Variants in STK3 observed in about 807,000 individuals in gnomAD.
STK3 encodes the protein serine/threonine-protein kinase 3.
STK3 carries 41 observed loss-of-function variants against 58.0 expected under a neutral mutation model. The observed-to-expected ratio is 0.71, with a 90% CI of 0.55 to 0.92. The LOEUF (loss-of-function observed/expected upper bound fraction) is 0.92. Among genes scored for constraint, STK3 ranks in the 40% least tolerant of loss-of-function variants. STK3 has a pLI of 0.00. For synonymous variants in STK3, 170 were observed against 191.0 expected (o/e 0.89, Z 0.91); for missense variants, 479 against 602.7 (o/e 0.79, Z 2.15).
At chr8:98,648,473 G>T (rs1310388337) in intron 6 of STK3, among the ~76,000 whole-genome samples, 1 of 152,038 alleles carries the variant, frequency 6.6e-6, no homozygotes, top group African/African-American at 2.4e-5. Context: ...ATAAATTCTA[G>T]GGGTAAAACT....
At chr8:98,489,360 T>G (rs1052361557) in intron 10 of STK3, among the ~76,000 whole-genome samples, 1 of 152,224 alleles carries the variant, frequency 6.6e-6, no homozygotes, top group African/African-American at 2.4e-5. Context: ...TTATCATTAA[T>G]TGGTAAGAGC....
chr8:98,507,581 A>G (rs1277538723), intron 10 of STK3, among the ~76,000 whole-genome samples: 1 of 152,192 alleles, frequency 6.6e-6, no homozygotes, highest in Non-Finnish European at 1.5e-5. Flanking sequence ...CTATGGCTAC[A>G]TATTTCTTTT....
In STK3 at chr8:98,909,960, C is replaced by G. The variant is rs58285664; in HGVS notation, c.-78-26126G>C. 5.0e-3 allele frequency among the ~76,000 whole-genome samples: 763 copies of G among 152,302 alleles called. 7 individuals are homozygous for G. The highest frequency in any genetic ancestry group is 0.018 in the African/African-American group (736 of 41,558). On this transcript the variant is annotated intron_variant, in intron 1 of 1. Transcript: ENST00000519420. ...GCAGCTGTACCATTTTACATTCCCA[C>G]TAGCAGTGTATGAGAATTGTGATTT...
At chr8:98,476,729 C>T (rs1222019642) in intron 10 of STK3, among the ~76,000 whole-genome samples, 1 of 152,150 alleles carries the variant, frequency 6.6e-6, no homozygotes, top group African/African-American at 2.4e-5. Flanking sequence ...TAATTAATTT[C>T]ATTTCAAAAA....
chr8:98,939,963 G>T (rs780630966), intron 1 of STK3, among the ~76,000 whole-genome samples: 2 of 152,226 alleles, frequency 1.3e-5, no homozygotes, highest in Non-Finnish European at 2.9e-5. Flanking sequence ...ACACTGAAGC[G>T]CTTGGTTCGA....
At chr8:98,810,864 A>G (rs924673325) in intron 1 of STK3, among the ~76,000 whole-genome samples, 10 of 152,048 alleles carry the variant, frequency 6.6e-5, no homozygotes, top group African/African-American at 1.9e-4. Flanking sequence ...CACTCTATTA[A>G]TTCACAAGAA....
intron 3 of STK3, among the ~76,000 whole-genome samples, chr8:98,407,981 G>A (rs1419505692): frequency 6.6e-6 from 1 of 152,214 alleles, no homozygotes; most frequent in Non-Finnish European, 1.5e-5. Context: ...CAGTGAACCT[G>A]CAAGTTAGAG....
At chr8:98,790,412 C>T (rs1259234815) in intron 1 of STK3, among the ~76,000 whole-genome samples, 8 of 152,268 alleles carry the variant, frequency 5.3e-5, no homozygotes, top group African/African-American at 1.2e-4. Context: ...GAATCGAACA[C>T]GAAAATCACA....
intron 4 of STK3, among the ~76,000 whole-genome samples, chr8:98,729,350 T>C (rs1301705723): frequency 6.6e-6 from 1 of 152,156 alleles, no homozygotes; most frequent in Non-Finnish European, 1.5e-5. Flanking sequence ...GCCCAAGTGA[T>C]CTCCCCGCCT....
At chr8:98,445,658 ACTG>A (rs1487169492) in intron 1 of STK3, among the ~76,000 whole-genome samples, 1 of 152,188 alleles carries the variant, frequency 6.6e-6, no homozygotes, top group East Asian at 1.9e-4. Flanking sequence ...CAAGAAGAAA[ACTG>A]CTGACAAAAA....
At chr8:98,824,163 C>T (rs1232379612) in intron 1 of STK3, among the ~76,000 whole-genome samples, 1 of 152,186 alleles carries the variant, frequency 6.6e-6, no homozygotes, top group Non-Finnish European at 1.5e-5. Flanking sequence ...GCTTTTGCGG[C>T]ATTTTTGTTC....
At chr8:98,398,982 G>A (rs1358150841), downstream of STK3, among the ~76,000 whole-genome samples, 1 of 152,150 alleles carries the variant, frequency 6.6e-6, no homozygotes, top group East Asian at 1.9e-4. Context: ...TCCCTAGTGT[G>A]GACTCTCCAA....
At chr8:98,905,298 T>C (rs868266957) in intron 1 of STK3, 2 of 841,040 alleles carry the variant, frequency 2.4e-6, no homozygotes, top group Middle Eastern at 4.5e-4. Flanking sequence ...CACTGCGTCC[T>C]CTGACCACTC....
intron 8 of STK3, among the ~76,000 whole-genome samples, chr8:98,578,829 A>G (rs772155225): frequency 3.3e-5 from 5 of 152,172 alleles, no homozygotes; most frequent in African/African-American, 1.2e-4. Context: ...ACACAAAGGC[A>G]AAAAATAATT....
rs1165228727 is a variant in STK3, at chr8:98,706,606, A to G, written c.545T>C (p.Ile182Thr). 3 of 1,609,464 alleles carry G rather than the reference A, an allele frequency of 1.9e-6. No individual in the cohort carries two copies. Among genetic ancestry groups the G allele is most frequent in the Non-Finnish European group, 2.5e-6 (3 of 1,178,464 alleles). The change falls in exon 6 of 11, where the codon ATA (isoleucine) becomes ACA (threonine). Residue 182 changes from isoleucine (I) to threonine (T), a missense_variant. Physicochemically the swap from Ile to Thr is moderately conservative, Grantham distance 89. Around this residue, in one of 3 missense-constraint regions of STK3, gnomAD observed 126 missense variants for 210.1 expected, o/e 0.60. Transcript: ENST00000419617. ...TDTMAKRNTVIGTPFWMAPEV... is the reference protein window; with the variant it reads ...TDTMAKRNTVTGTPFWMAPEV... ...AGGAGCCATCCAAAATGGAGTTCCT[A>G]TTACAGTATTGCGTTTTGCCATTGT...
chr8:98,345,630 T>A, the STK3 span, among the ~76,000 whole-genome samples: 1 of 151,952 alleles, frequency 6.6e-6, no homozygotes, highest in Non-Finnish European at 1.5e-5. Flanking sequence ...GGAAATAGTG[T>A]CTGTTCTGAA....
intron 1 of STK3, among the ~76,000 whole-genome samples, chr8:98,884,035 C>T (rs548496519): frequency 6.6e-6 from 1 of 152,258 alleles, no homozygotes; most frequent in African/African-American, 2.4e-5. Context: ...AAGCTCCGGA[C>T]AGCCAATGTG....
intron 7 of STK3, among the ~76,000 whole-genome samples, chr8:98,583,225 A>C (rs1417672979): frequency 6.6e-6 from 1 of 152,210 alleles, no homozygotes; most frequent in African/African-American, 2.4e-5. Context: ...GAATACAATT[A>C]AGAAGTTTAC....
At chr8:98,760,988 G>A (rs1257417164) in intron 3 of STK3, among the ~76,000 whole-genome samples, 3 of 152,072 alleles carry the variant, frequency 2.0e-5, no homozygotes, top group Non-Finnish European at 2.9e-5. Context: ...TTACGTTTAA[G>A]CTTCTTATAA....
Sources: gnomAD v4.1 joint callset for allele counts (sites outside exome capture counted in the v4.1 genomes callset) on GRCh38, gnomAD v4.1.1 for gene constraint, gnomAD v4.1.1 regional missense constraint, MANE v1.5 for transcripts, NCBI Gene and HGNC (gene_info 2026-07-23, HGNC 2026-07-21) for gene names.